Variants in RNF145 observed in about 807,000 individuals in gnomAD.
RNF145 encodes ring finger protein 145.
Under a neutral mutation model 57.3 loss-of-function variants are expected in RNF145, and 12 were observed. That is an observed-to-expected ratio of 0.21 (90% CI 0.13 to 0.34). RNF145 has a LOEUF of 0.34. Among genes scored for constraint, RNF145 ranks in the 10% least tolerant of loss-of-function variants. The pLI, the probability that RNF145 is intolerant of heterozygous loss-of-function variation, is 1.00. For missense variants in RNF145, 429 were observed against 799.0 expected, an observed-to-expected ratio of 0.54 and a Z score of 5.58; for synonymous variants, 262 against 288.3, an observed-to-expected ratio of 0.91 and a Z score of 0.92.
intron 1 of RNF145, chr5:159,207,635 A>G: frequency 6.2e-7 from 1 of 1,603,624 alleles, no homozygotes; most frequent in Non-Finnish European, 8.5e-7. Context: ...AATTCTAAGT[A>G]AAAGCCCAGA....
intron 2 of RNF145, among the ~76,000 whole-genome samples, chr5:159,199,304 T>A (rs1785581847): frequency 6.6e-6 from 1 of 150,524 alleles, no homozygotes; most frequent in Non-Finnish European, 1.5e-5. Context: ...ACACAAATTG[T>A]GGGCAATATC....
chr5:159,176,506 C>T, intron 5 of RNF145, 126 bp downstream of exon 5: 1 of 617,366 alleles, frequency 1.6e-6, no homozygotes, highest in East Asian at 2.8e-5. Flanking sequence ...CTGAAAATAG[C>T]AGCTGTTTTG....
intron 1 of RNF145, chr5:159,207,727 A>T: frequency 6.2e-7 from 1 of 1,613,476 alleles, no homozygotes; most frequent in Non-Finnish European, 8.5e-7. Flanking sequence ...CCCCACTCCC[A>T]CTCCTTGCTA....
intron 3 of RNF145, among the ~76,000 whole-genome samples, chr5:159,182,815 A>G (rs1784935225): frequency 6.6e-6 from 1 of 152,160 alleles, no homozygotes; most frequent in Admixed American, 6.6e-5. Context: ...CAGTTTGTCT[A>G]AAGTATTTTT....
At chr5:159,202,911 G>T (rs1400204872) in intron 2 of RNF145, among the ~76,000 whole-genome samples, 1 of 149,742 alleles carries the variant, frequency 6.7e-6, no homozygotes, top group African/African-American at 2.5e-5. Flanking sequence ...TCTTGAAAGG[G>T]GATTCAAGCA....
upstream of RNF145, chr5:159,209,594 G>GGCCCAGCCAGCGCGGCGCGCC (rs890235970): frequency 2.9e-6 from 3 of 1,040,606 alleles, no homozygotes; most frequent in African/African-American, 5.1e-5. Context: ...GCCTGCGCGC[G>GGCCCAGCCAGCGCGGCGCGCC]GCCCAGCCAG....
In RNF145 at chr5:159,180,474, A is replaced by C. The variant is rs187512710; in HGVS notation, c.385+1486T>G. Among the ~76,000 whole-genome samples the C allele has an allele frequency of 1.6e-3, 238 of 152,182 alleles. 1 individual carries two copies. Among genetic ancestry groups the C allele is most frequent in the African/African-American group, 5.4e-3 (224 of 41,548 alleles). ...ACAAGAAACTTACATCCTTTGCTCT[A>C]CAATTTCCTGTATCAGAAGATACAG... On this transcript the variant is annotated intron_variant, in intron 4 of 10. Coordinates refer to ENST00000424310, the MANE Select transcript of RNF145 (RefSeq NM_001199383.2).
intron 6 of RNF145, 87 bp downstream of exon 6, chr5:159,173,896 A>G: frequency 1.1e-6 from 1 of 930,496 alleles, no homozygotes; most frequent in East Asian, 2.6e-5. Flanking sequence ...CATGAACGAT[A>G]AAAGTAATCT....
chr5:159,167,433 T>C (rs1410136467), intron 8 of RNF145, among the ~76,000 whole-genome samples: 1 of 152,224 alleles, frequency 6.6e-6, no homozygotes, highest in Non-Finnish European at 1.5e-5. Context: ...GTGAGGATAG[T>C]TCAGTATCCT....
Position 159,158,317 on chromosome 5 carries a change from A to C in RNF145, c.*353T>G, listed in dbSNP as rs1251429350. ...TTTCCATGCTGTCCTCATGCTCTTT[A>C]TCCTCACTTCCTCAGTCCCTTCAAC... is the stretch of plus-strand genomic sequence containing the variant. On this transcript the variant is annotated 3_prime_UTR_variant, in exon 11 of 11. Transcript: ENST00000424310. 2 of 245,402 alleles carry C rather than the reference A, an allele frequency of 8.1e-6. No individual in the cohort carries two copies. The highest frequency in any genetic ancestry group is 1.6e-5 in the Non-Finnish European group (2 of 124,516). The allele number at this position is 245,402 out of a possible 1,614,324, so 15.2% of individuals were successfully genotyped here. A position where few individuals can be genotyped will look rare whatever the true frequency, so the allele number is the denominator to read the frequency against.
intron 5 of RNF145, among the ~76,000 whole-genome samples, chr5:159,174,509 C>A (rs968207030): frequency 1.3e-5 from 2 of 151,894 alleles, no homozygotes; most frequent in African/African-American, 2.4e-5. Context: ...ATAATCAGGA[C>A]TAGCATGAAT....
intron 2 of RNF145, among the ~76,000 whole-genome samples, chr5:159,198,859 C>A (rs1429932742): frequency 6.6e-6 from 1 of 152,046 alleles, no homozygotes; most frequent in African/African-American, 2.4e-5. Context: ...TTGGTATATG[C>A]CTGTAGTACC....
At chr5:159,191,172 G>T (rs942564166) in intron 3 of RNF145, among the ~76,000 whole-genome samples, 2 of 151,726 alleles carry the variant, frequency 1.3e-5, no homozygotes, top group Non-Finnish European at 2.9e-5. Flanking sequence ...TGGGCCACAC[G>T]CAGCCCAGGA....
At chr5:159,168,822 T>C (rs761365668) in intron 8 of RNF145, 51 bp downstream of exon 8, 14 of 1,183,140 alleles carry the variant, frequency 1.2e-5, no homozygotes, top group African/African-American at 4.7e-5. Flanking sequence ...AACAAATGCA[T>C]GTAAAGAATA....
intron 3 of RNF145, among the ~76,000 whole-genome samples, chr5:159,182,700 C>T (rs1356429893): frequency 6.6e-6 from 1 of 152,022 alleles, no homozygotes; most frequent in African/African-American, 2.4e-5. Flanking sequence ...AAATAGTAAG[C>T]TTTAAGTAAT....
intron 3 of RNF145, among the ~76,000 whole-genome samples, chr5:159,190,348 T>C (rs2113195854): frequency 6.6e-6 from 1 of 152,126 alleles, no homozygotes; most frequent in East Asian, 1.9e-4. Context: ...AGCTATATAC[T>C]TTAATCAGGT....
At chr5:159,206,892 T>C (rs1195227276) in intron 1 of RNF145, among the ~76,000 whole-genome samples, 1 of 152,030 alleles carries the variant, frequency 6.6e-6, no homozygotes. Context: ...CAACATGATG[T>C]GTCTGCAGGT....
chr5:159,207,228 G>A (rs576130334), intron 1 of RNF145, among the ~76,000 whole-genome samples: 1 of 152,206 alleles, frequency 6.6e-6, no homozygotes, highest in East Asian at 1.9e-4. Context: ...CAAACAAATC[G>A]TCCTGAATAA....
intron 5 of RNF145, among the ~76,000 whole-genome samples, chr5:159,174,619 G>A (rs1350484464): frequency 6.6e-6 from 1 of 152,190 alleles, no homozygotes; most frequent in Non-Finnish European, 1.5e-5. Context: ...TTCAATGGAA[G>A]AAGAGTACTT....
Sources: gnomAD v4.1 joint callset for allele counts (sites outside exome capture counted in the v4.1 genomes callset) on GRCh38, gnomAD v4.1.1 for gene constraint, MANE v1.5 for transcripts, NCBI Gene and HGNC (gene_info 2026-07-23, HGNC 2026-07-21) for gene names.